Variants in IREB2 observed in about 807,000 individuals in gnomAD.
IREB2 encodes iron-responsive element-binding protein 2.
In IREB2, 39 loss-of-function variants were observed where a neutral mutation model predicts 118.8. That is an observed-to-expected ratio of 0.33 (90% CI 0.25 to 0.43). The LOEUF (loss-of-function observed/expected upper bound fraction) is 0.43. Ranked by LOEUF, IREB2 falls within the 20% of genes least tolerant of loss-of-function variation. IREB2 has a pLI of 1.00. For synonymous variants in IREB2, 372 were observed against 392.2 expected (o/e 0.95, Z 0.61); for missense variants, 900 against 1,147.3 (o/e 0.78, Z 3.11).
chr15:78,457,536 A>C (rs2051125999), intron 2 of IREB2, among the ~76,000 whole-genome samples: 1 of 152,134 alleles, frequency 6.6e-6, no homozygotes, highest in African/African-American at 2.4e-5. Flanking sequence ...GGAATTTTGA[A>C]GGCATTTTTC....
At chr15:78,472,038 A>T (rs968505593) in intron 7 of IREB2, 114 bp downstream of exon 7, 15 of 715,084 alleles carry the variant, frequency 2.1e-5, no homozygotes, top group Non-Finnish European at 3.0e-5. Flanking sequence ...TGTGTTTTTC[A>T]TCTGTAATAA....
intron 8 of IREB2, chr15:78,474,887 C>T (rs149421894): frequency 6.7e-6 from 1 of 149,962 alleles, no homozygotes; most frequent in African/African-American, 2.5e-5. Flanking sequence ...AACCCCGTCT[C>T]TACTAAAAAT....
chr15:78,483,007 G>A (rs1311894327), intron 10 of IREB2, among the ~76,000 whole-genome samples: 3 of 152,062 alleles, frequency 2.0e-5, no homozygotes, highest in African/African-American at 2.4e-5. Context: ...CCAGAGTGCT[G>A]GGATTACAGG....
intron 20 of IREB2, among the ~76,000 whole-genome samples, chr15:78,494,869 G>GC (rs2051814303): frequency 6.6e-6 from 1 of 152,156 alleles, no homozygotes; most frequent in African/African-American, 2.4e-5. Flanking sequence ...CATGTGCCCG[G>GC]CCCCCACTGT....
intron 13 of IREB2, among the ~76,000 whole-genome samples, chr15:78,486,086 C>T (rs548475425): frequency 6.6e-6 from 1 of 152,274 alleles, no homozygotes; most frequent in African/African-American, 2.4e-5. Context: ...CTTCAAGATA[C>T]TTAGTTGGGA....
intron 3 of IREB2, 115 bp from the exon 4 acceptor site, chr15:78,465,136 G>T (rs1255672052): frequency 2.6e-6 from 2 of 769,806 alleles, no homozygotes; most frequent in Non-Finnish European, 2.0e-6. Flanking sequence ...TATGAAAAAT[G>T]AATGTAAACT....
intron 10 of IREB2, among the ~76,000 whole-genome samples, chr15:78,479,507 G>T (rs1236420800): frequency 6.6e-6 from 1 of 151,478 alleles, no homozygotes; most frequent in African/African-American, 2.4e-5. Flanking sequence ...AAATTGCTGG[G>T]ATTACAGGTG....
At chr15:78,475,662 A>G (rs1442201370) in intron 8 of IREB2, 1 of 151,752 alleles carries the variant, frequency 6.6e-6, no homozygotes, top group Non-Finnish European at 1.5e-5. Flanking sequence ...CCTGGTCAAC[A>G]TTGTAAGACC....
intron 5 of IREB2, among the ~76,000 whole-genome samples, chr15:78,469,899 G>A (rs2051346673): frequency 6.6e-6 from 1 of 152,136 alleles, no homozygotes; most frequent in African/African-American, 2.4e-5. Context: ...ATAACTATTA[G>A]ATAAAAATAA....
In IREB2 at chr15:78,483,383, A is replaced by AC; in HGVS notation, c.1362_1363insC (p.Val455ArgfsTer16). 6.2e-7 allele frequency: 1 copy of AC among 1,609,572 alleles called. No homozygotes were observed. Among genetic ancestry groups the AC allele is most frequent in the Non-Finnish European group, 8.5e-7 (1 of 1,175,896 alleles). On this transcript the variant is annotated frameshift_variant, in exon 11 of 22. Transcript: ENST00000258886. LOFTEE classifies it high-confidence loss of function. ...GTGGTCCAAAAAGACCTCAGGATAG[A>AC]GTTGCTGTGACAGATATGAAAAGCG... is the stretch of plus-strand genomic sequence containing the variant.
rs2051919550 is a variant in IREB2 at position 78,500,348 on chromosome 15, A to AT, written c.*2206dup. 6.6e-6 allele frequency: 1 copy of AT among 152,182 alleles called. No individual in the cohort carries two copies. Among genetic ancestry groups the AT allele is most frequent in the South Asian group, 2.1e-4 (1 of 4,834 alleles). 9.4% of individuals were successfully genotyped at this position (152,182 alleles called of 1,614,324 possible). A position where few individuals can be genotyped will look rare whatever the true frequency, so the allele number is the denominator to read the frequency against. On this transcript the variant is annotated 3_prime_UTR_variant, in exon 22 of 22. Transcript: ENST00000258886. The stretch of plus-strand genomic sequence containing the variant: ...CAAGGTTCTCTTAATTTTTTGGCTT[A>AT]TATACAATGAAGTAAAAACTTGATA...
Position 78,449,043 on chromosome 15 carries a change from G to A in IREB2, c.106+9162G>A, listed in dbSNP as rs78140637. On this transcript the variant is annotated intron_variant, in intron 2 of 21. Transcript: ENST00000258886. ...CACGGAAGATAGTTTTAAATCTGTT[G>A]TGTACAGATAATACAGATAAGGTTA... Among the ~76,000 whole-genome samples, 72 of 152,218 alleles carry A rather than the reference G, an allele frequency of 4.7e-4. 2 individuals carry two copies. The East Asian group carries it at 0.014, about 29-fold the overall frequency.
chr15:78,498,021 G>C lies in IREB2; in HGVS notation c.2782-12G>C. 1 of 1,529,990 alleles carries C rather than the reference G, an allele frequency of 6.5e-7. No homozygotes were observed. Among genetic ancestry groups the C allele is most frequent in the East Asian group, 2.3e-5 (1 of 44,370 alleles). 94.8% of individuals were successfully genotyped at this position (1,529,990 alleles called of 1,614,324 possible). A position where few individuals can be genotyped will look rare whatever the true frequency, so the allele number is the denominator to read the frequency against. ...TTACTTGCTCACATGAGATGTTTTT[G>C]CTCCTTTCAAGACAAGCACTGGAAA... On this transcript the variant is annotated splice_polypyrimidine_tract_variant and intron_variant, in intron 21 of 21. Coordinates refer to ENST00000258886, the MANE Select transcript of IREB2 (RefSeq NM_004136.4).
In IREB2 at chr15:78,473,224, C is replaced by T; in HGVS notation, c.884-18C>T. The T allele has an allele frequency of 6.2e-7, 1 of 1,609,770 alleles. No individual in the cohort carries two copies. Among genetic ancestry groups the T allele is most frequent in the Non-Finnish European group, 8.5e-7 (1 of 1,176,868 alleles). ...CTTTAAATATACTGTGCTAATATACCTGTCTTTATTACGTTAGGGGTTGGA... is the reference window on the plus strand; with the variant it reads ...CTTTAAATATACTGTGCTAATATACTTGTCTTTATTACGTTAGGGGTTGGA... On this transcript the variant is annotated intron_variant, in intron 7 of 21. Coordinates refer to ENST00000258886, the MANE Select transcript of IREB2 (RefSeq NM_004136.4).
chr15:78,438,057 C>T (rs1334083292), upstream of IREB2: 5 of 487,000 alleles, frequency 1.0e-5, no homozygotes, highest in Admixed American at 3.5e-5. Flanking sequence ...TCCGCCCCCG[C>T]TCGCGAGAAC....
intron 2 of IREB2, among the ~76,000 whole-genome samples, chr15:78,449,483 T>A (rs558944622): frequency 4.0e-4 from 61 of 152,350 alleles, no homozygotes; most frequent in African/African-American, 1.2e-3. Flanking sequence ...AAGGCACATG[T>A]CCTATATAGA....
chr15:78,469,654 G>A (rs963092065), intron 5 of IREB2, among the ~76,000 whole-genome samples: 1 of 152,010 alleles, frequency 6.6e-6, no homozygotes, highest in African/African-American at 2.4e-5. Context: ...ACCCGGTAGG[G>A]CGGAGGTTGT....
chr15:78,448,984 ACC>A (rs1413300347), intron 2 of IREB2, among the ~76,000 whole-genome samples: 6 of 152,060 alleles, frequency 3.9e-5, no homozygotes, highest in African/African-American at 1.4e-4. Context: ...AAATATCAAA[ACC>A]CTTTTACTTC....
Position 78,501,087 on chromosome 15 carries a change from G to A in IREB2, c.*2944G>A, listed in dbSNP as rs2051936564. On this transcript the variant is annotated 3_prime_UTR_variant, in exon 22 of 22. Coordinates refer to ENST00000258886, the MANE Select transcript of IREB2 (RefSeq NM_004136.4). ...GTTTAGGAGGAGATACTAAGATACTGGATGTTTATCCTATCTTAGTTTGGT... is the reference window on the plus strand; with the variant it reads ...GTTTAGGAGGAGATACTAAGATACTAGATGTTTATCCTATCTTAGTTTGGT... 6.6e-6 allele frequency: 1 copy of A among 152,160 alleles called. No individual in the cohort carries two copies. The highest frequency in any genetic ancestry group is 2.4e-5 in the African/African-American group (1 of 41,444). 9.4% of individuals were successfully genotyped at this position (152,160 alleles called of 1,614,324 possible). A position where few individuals can be genotyped will look rare whatever the true frequency, so the allele number is the denominator to read the frequency against.
Sources: allele counts gnomAD v4.1 joint callset (sites outside exome capture counted in the v4.1 genomes callset), GRCh38; gene constraint gnomAD v4.1.1; transcripts MANE v1.5; gene names NCBI Gene and HGNC (gene_info 2026-07-23, HGNC 2026-07-21).